Variants in MAP3K7 observed in about 807,000 individuals in gnomAD.
The protein encoded by MAP3K7 is TGF-beta activated kinase 1.
In MAP3K7, 21 loss-of-function variants were observed where a neutral mutation model predicts 84.8. That is an observed-to-expected ratio of 0.25 (90% CI 0.18 to 0.36). The LOEUF (loss-of-function observed/expected upper bound fraction) is 0.36, where lower values mean the gene tolerates loss of function less well. MAP3K7 is among the 10% of genes least tolerant of loss of function. The pLI is 1.00. For synonymous variants in MAP3K7, 241 were observed against 247.7 expected, an observed-to-expected ratio of 0.97 and a Z score of 0.25; for missense variants, 503 against 747.7, an observed-to-expected ratio of 0.67 and a Z score of 3.82.
chr6:90,522,861 C>T (rs1043101865), intron 14 of MAP3K7, among the ~76,000 whole-genome samples: 2 of 152,084 alleles, frequency 1.3e-5, no homozygotes, highest in Non-Finnish European at 2.9e-5. Flanking sequence ...ATAACATAGT[C>T]GATCTTATAT....
intron 6 of MAP3K7, among the ~76,000 whole-genome samples, chr6:90,554,488 C>T (rs1776274662): frequency 1.3e-5 from 2 of 152,202 alleles, no homozygotes; most frequent in African/African-American, 4.8e-5. Flanking sequence ...AAACACTCAA[C>T]TCACTGTAAG....
intron 1 of MAP3K7, among the ~76,000 whole-genome samples, chr6:90,583,358 G>A (rs1476286770): frequency 6.6e-6 from 1 of 152,248 alleles, no homozygotes; most frequent in East Asian, 1.9e-4. Context: ...CAGTGGAAAG[G>A]GCAACTGACT....
rs35482398 is a variant in MAP3K7, at chr6:90,562,276, G to A, written c.298-609C>T. On this transcript the variant is annotated intron_variant, in intron 3 of 16. Transcript: ENST00000369329. ...AGTGTGAGTCGAAGCAGGGCAGGGC[G>A]TCGCCTCACCCGGGAAGCACAAGGG... 3.2e-3 allele frequency among the ~76,000 whole-genome samples: 492 copies of A among 152,246 alleles called. 5 individuals carry two copies. Among genetic ancestry groups the A allele is most frequent in the African/African-American group, 0.011 (456 of 41,528 alleles).
chr6:90,531,480 G>A (rs1306599446), intron 13 of MAP3K7, among the ~76,000 whole-genome samples: 1 of 152,122 alleles, frequency 6.6e-6, no homozygotes, highest in East Asian at 1.9e-4. Flanking sequence ...GGATTTACAT[G>A]GGTACTTATT....
chr6:90,575,817 A>G (rs1777056286), intron 1 of MAP3K7, among the ~76,000 whole-genome samples: 1 of 152,142 alleles, frequency 6.6e-6, no homozygotes, highest in Non-Finnish European at 1.5e-5. Context: ...ATGTTGAAAG[A>G]ATAATGAACT....
At chr6:90,575,913 T>G (rs144813913) in intron 1 of MAP3K7, among the ~76,000 whole-genome samples, 4 of 151,882 alleles carry the variant, frequency 2.6e-5, no homozygotes, top group African/African-American at 9.7e-5. Context: ...CAGAAAGAAA[T>G]AAGACAAAGG....
intron 3 of MAP3K7, among the ~76,000 whole-genome samples, chr6:90,564,760 A>G (rs893189174): frequency 2.0e-5 from 3 of 152,204 alleles, no homozygotes; most frequent in Non-Finnish European, 2.9e-5. Flanking sequence ...AAATCAACAG[A>G]ATACACATTC....
chr6:90,542,019 T>A (rs140807071), intron 12 of MAP3K7, among the ~76,000 whole-genome samples: 2 of 151,976 alleles, frequency 1.3e-5, no homozygotes, highest in African/African-American at 4.8e-5. Context: ...TTAAAAAGAA[T>A]CCTTGCAATT....
chr6:90,551,882 G>T (rs779848773), intron 8 of MAP3K7, 167 bp downstream of exon 8: 1 of 665,894 alleles, frequency 1.5e-6, no homozygotes, highest in Non-Finnish European at 2.2e-6. Flanking sequence ...TTTCCCTCTC[G>T]AAATGTTTCC....
Position 90,529,913 on chromosome 6 carries a change from C to T in MAP3K7, c.1357-6130G>A, listed in dbSNP as rs865915401. ...TCATTGAATAAAATGAGAACACAAG[C>T]TATTAGCACTCAGATACAAGATTGG... On this transcript the variant is annotated intron_variant, in intron 13 of 16. Transcript: ENST00000369329. 1.3e-5 allele frequency among the ~76,000 whole-genome samples: 2 copies of T among 152,136 alleles called. 1 individual carries two copies. The highest frequency in any genetic ancestry group is 2.9e-5 in the Non-Finnish European group (2 of 68,024).
At chr6:90,541,043 A>G (rs1775840146) in intron 12 of MAP3K7, among the ~76,000 whole-genome samples, 1 of 151,860 alleles carries the variant, frequency 6.6e-6, no homozygotes, top group Non-Finnish European at 1.5e-5. Flanking sequence ...ATATGGGAAA[A>G]AGTAAAGAAA....
chr6:90,525,617 G>T (rs1775297182), intron 13 of MAP3K7, among the ~76,000 whole-genome samples: 2 of 151,862 alleles, frequency 1.3e-5, no homozygotes, highest in Admixed American at 6.6e-5. Context: ...GCCCAGGCTG[G>T]AGTGCAGTGG....
At position 90,514,481 on chromosome 6, in the gene MAP3K7, T is replaced by C. The variant is rs1421953376; in HGVS notation, c.*2020A>G. On this transcript the variant is annotated 3_prime_UTR_variant, in exon 17 of 17. Transcript: ENST00000369329. Reference sequence around the variant, plus strand: ...ATTTGGTACCATGACTAAAATCTACTATTTTCTTCCATTTACCTATCTGGA... The same window carrying C: ...ATTTGGTACCATGACTAAAATCTACCATTTTCTTCCATTTACCTATCTGGA... 2 of 152,074 alleles carry C rather than the reference T, an allele frequency of 1.3e-5. No individual in the cohort carries two copies. The highest frequency in any genetic ancestry group is 4.8e-5 in the African/African-American group (2 of 41,428). 9.4% of individuals were successfully genotyped at this position (152,074 alleles called of 1,614,324 possible). A position where few individuals can be genotyped will look rare whatever the true frequency, so the allele number is the denominator to read the frequency against.
At position 90,523,693 on chromosome 6, in the gene MAP3K7, G is replaced by A; in HGVS notation, c.1447C>T (p.Pro483Ser). ...EKPTRSHPWT[P>S]DDSTDTNGSD... ...GACTGGTCACCTGTGGAATCATCAG[G>A]GGTCCATGGATGACTTCGAGTTGGC... The change falls in exon 14 of 17, where the codon CCT (proline) becomes TCT (serine). Residue 483 changes from proline (P) to serine (S), a missense_variant. Around this residue, in one of 5 missense-constraint regions of MAP3K7, gnomAD observed 286 missense variants for 313.6 expected, o/e 0.91. Coordinates refer to ENST00000369329, the MANE Select transcript of MAP3K7 (RefSeq NM_145331.3). 1 of 1,611,944 alleles carries A rather than the reference G, an allele frequency of 6.2e-7. No homozygotes were observed. Among genetic ancestry groups the A allele is most frequent in the Middle Eastern group, 1.7e-4 (1 of 6,050 alleles).
intron 8 of MAP3K7, chr6:90,551,828 T>C: frequency 2.4e-6 from 1 of 421,702 alleles, no homozygotes; most frequent in Admixed American, 4.0e-5. Context: ...AAAGCAAGTC[T>C]AGAAACCTAG....
Position 90,552,614 on chromosome 6 carries a change from T to C in MAP3K7, c.737-435A>G, listed in dbSNP as rs575753975. 2.0e-5 allele frequency among the ~76,000 whole-genome samples: 3 copies of C among 152,328 alleles called. No individual in the cohort carries two copies. The South Asian group carries it at 6.2e-4, about 32-fold the overall frequency. ...ATGTAAAAAATGGCCATTAGTCACA[T>C]GATTATAAACAAGGCATAGAAATGA... On this transcript the variant is annotated intron_variant, in intron 7 of 16. Coordinates refer to ENST00000369329, the MANE Select transcript of MAP3K7 (RefSeq NM_145331.3).
At chr6:90,517,663 C>T (rs1462635711) in intron 16 of MAP3K7, among the ~76,000 whole-genome samples, 2 of 151,852 alleles carry the variant, frequency 1.3e-5, no homozygotes, top group African/African-American at 4.8e-5. Flanking sequence ...CTTTCAAATA[C>T]CAGGTTGGTT....
At chr6:90,544,523 A>G in intron 12 of MAP3K7, 29 bp downstream of exon 12, 1 of 1,586,022 alleles carries the variant, frequency 6.3e-7, no homozygotes, top group Non-Finnish European at 8.7e-7. Flanking sequence ...TTCCACAGCT[A>G]TTAGACCAAC....
At chr6:90,569,020 A>G in intron 2 of MAP3K7, among the ~76,000 whole-genome samples, 1 of 152,164 alleles carries the variant, frequency 6.6e-6, no homozygotes, top group Non-Finnish European at 1.5e-5. Flanking sequence ...TCATGCTATC[A>G]TTGTTATCAT....
Sources: allele counts gnomAD v4.1 joint callset (sites outside exome capture counted in the v4.1 genomes callset), GRCh38; gene constraint gnomAD v4.1.1; regional missense constraint gnomAD v4.1.1; transcripts MANE v1.5; gene names NCBI Gene and HGNC (gene_info 2026-07-23, HGNC 2026-07-21).